SZRD1: variants seen among roughly 807,000 people sequenced by gnomAD.
SZRD1 encodes SUZ RNA-binding domain-containing.
In SZRD1, 7 loss-of-function variants were observed where a neutral mutation model predicts 17.6. The observed-to-expected ratio is 0.40, with a 90% CI of 0.23 to 0.75. The LOEUF is 0.75. SZRD1 is among the 30% of genes least tolerant of loss of function. The pLI is 0.38. For synonymous variants in SZRD1, 77 were observed against 77.9 expected, an observed-to-expected ratio of 0.99 and a Z score of 0.06; for missense variants, 178 against 201.8, an observed-to-expected ratio of 0.88 and a Z score of 0.71.
chr1:16,376,670 G>T (rs773578124), intron 1 of SZRD1, among the ~76,000 whole-genome samples: 3 of 144,088 alleles, frequency 2.1e-5, no homozygotes, highest in Non-Finnish European at 4.4e-5. Context: ...GCCAGGTGTG[G>T]TGGCAGGTGC....
chr1:16,379,953 G>T (rs180877287), intron 1 of SZRD1, among the ~76,000 whole-genome samples: 1 of 152,004 alleles, frequency 6.6e-6, no homozygotes, highest in Non-Finnish European at 1.5e-5. Flanking sequence ...GTAGAGACAG[G>T]GCTTCACCAT....
intron 1 of SZRD1, among the ~76,000 whole-genome samples, chr1:16,371,393 C>T (rs1198364311): frequency 6.6e-6 from 1 of 150,482 alleles, no homozygotes; most frequent in Non-Finnish European, 1.5e-5. Context: ...TCTCCCCTCC[C>T]CTCCCCTCCC....
chr1:16,393,348 C>T lies in SZRD1; in HGVS notation c.222C>T (p.Ser74=), dbSNP rs2085248477. ...KRPTSNGVVS[S]PNSTSRPTLP... ...CCACCAGCAACGGTGTGGTCAGCAG[C>T]CCCAACTCCACCAGCAGGCCCACCC... The change falls in exon 3 of 4, where the codon AGC becomes AGT. Residue 74 remains serine (S), a synonymous_variant. Transcript: ENST00000401088. This position sits in a 1 kb window ranked among gnomAD's most constrained non-coding sequence, Gnocchi z 5.6. 1 of 1,614,208 alleles carries T rather than the reference C, an allele frequency of 6.2e-7. No homozygotes were observed. The highest frequency in any genetic ancestry group is 8.5e-7 in the Non-Finnish European group (1 of 1,180,038).
At chr1:16,373,371 G>A (rs2082944474) in intron 1 of SZRD1, among the ~76,000 whole-genome samples, 1 of 151,946 alleles carries the variant, frequency 6.6e-6, no homozygotes, top group Non-Finnish European at 1.5e-5. Context: ...CCTGAGGTCA[G>A]GAGTTCGAGA....
At chr1:16,394,941 T>A (rs900499825) in intron 3 of SZRD1, 97 bp from the exon 4 acceptor site, 4 of 753,728 alleles carry the variant, frequency 5.3e-6, no homozygotes, top group Non-Finnish European at 8.7e-6. Context: ...GGTGACAGAA[T>A]GAGACTCCGT....
rs754050968 is a variant in SZRD1 at position 16,393,251 on chromosome 1, A to G, written c.125A>G (p.Lys42Arg). The G allele has an allele frequency of 3.3e-5, 54 of 1,613,954 alleles. No individual in the cohort carries two copies. The Admixed American group carries it at 8.8e-4, about 26-fold the overall frequency. ...AGCAGGAAATCCAAATCTCCTCCCA[A>G]AGTGCCCATTGTGATTCAGGACGAT... ...KESRKSKSPP[K>R]VPIVIQDDSL... The change falls in exon 3 of 4, where the codon AAA becomes AGA. Residue 42 changes from lysine (K) to arginine (R), a missense_variant. Lys to Arg is a conservative substitution (Grantham distance 26, BLOSUM62 2). This residue lies in a region of SZRD1 where 117 missense variants were observed against 108.7 expected (regional missense o/e 1.08). Coordinates refer to ENST00000401088, the MANE Select transcript of SZRD1 (RefSeq NM_001114600.3). This position sits in a 1 kb window ranked among gnomAD's most constrained non-coding sequence, Gnocchi z 5.6.
intron 1 of SZRD1, 31 bp downstream of exon 1, chr1:16,367,339 C>T (rs903326191): frequency 6.5e-7 from 1 of 1,542,110 alleles, no homozygotes. Flanking sequence ...CATGGCAGGG[C>T]CGGGCGAGAC....
Position 16,371,423 on chromosome 1 carries a change from T to C in SZRD1, c.51+4115T>C, listed in dbSNP as rs957570002. Among the ~76,000 whole-genome samples, 32 of 124,724 alleles carry C rather than the reference T, an allele frequency of 2.6e-4. No individual in the cohort carries two copies. In the East Asian group the frequency reaches 7.6e-3, roughly 29 times the overall value. The allele number at this position is 124,724 out of a possible 152,430, so 81.8% of individuals were successfully genotyped here. ...CCTCCCTCTGCTCCCATCCCTCTGCTCCCCCCTCTCCCTTCCTTTTTTTTC... is the reference window on the plus strand; with the variant it reads ...CCTCCCTCTGCTCCCATCCCTCTGCCCCCCCCTCTCCCTTCCTTTTTTTTC... On this transcript the variant is annotated intron_variant, in intron 1 of 3. Transcript: ENST00000401088.
At chr1:16,373,720 C>T (rs2082950924) in intron 1 of SZRD1, among the ~76,000 whole-genome samples, 1 of 151,860 alleles carries the variant, frequency 6.6e-6, no homozygotes, top group African/African-American at 2.4e-5. Flanking sequence ...ACTTCAGCCT[C>T]AACCTCCCGA....
intron 1 of SZRD1, among the ~76,000 whole-genome samples, chr1:16,368,809 T>C (rs553918922): frequency 4.6e-5 from 7 of 152,320 alleles, no homozygotes; most frequent in Non-Finnish European, 8.8e-5. Context: ...CTTACAACTT[T>C]AATATCATGC....
At chr1:16,370,233 TTTTTTTG>T (rs1156988045) in intron 1 of SZRD1, among the ~76,000 whole-genome samples, 8 of 151,782 alleles carry the variant, frequency 5.3e-5, no homozygotes, top group African/African-American at 1.9e-4. Flanking sequence ...TCCTTTTTTT[TTTTTTTG>T]TTTGAGAGAA....
rs967680323 is a variant in SZRD1, at chr1:16,369,495, G to GC, written c.51+2193dup. The GC allele has an allele frequency of 4.7e-5, 44 of 943,684 alleles. No individual in the cohort carries two copies. In the African/African-American group the frequency reaches 6.5e-4, roughly 14 times the overall value. 58.5% of individuals were successfully genotyped at this position (943,684 alleles called of 1,614,324 possible). On this transcript the variant is annotated intron_variant, in intron 1 of 3. Transcript: ENST00000401088. Reference sequence around the variant, plus strand: ...ACTTCAGAACCTGCTTCTTTTTTTTGCCCCCCTTCACCACAGGCTTTTTCA... The same window carrying GC: ...ACTTCAGAACCTGCTTCTTTTTTTTGCCCCCCCTTCACCACAGGCTTTTTCA...
At chr1:16,389,599 C>T (rs1342361245) in intron 1 of SZRD1, among the ~76,000 whole-genome samples, 3 of 151,988 alleles carry the variant, frequency 2.0e-5, no homozygotes, top group African/African-American at 7.3e-5. Context: ...GCGTGAGCCA[C>T]CGTGCCTGGC....
Position 16,393,303 on chromosome 1 carries a change from G to T in SZRD1, c.177G>T (p.Gln59His). 6.2e-7 allele frequency: 1 copy of T among 1,614,182 alleles called. No homozygotes were observed. The highest frequency in any genetic ancestry group is 8.5e-7 in the Non-Finnish European group (1 of 1,180,018). The change falls in exon 3 of 4, where the codon CAG becomes CAT. Residue 59 changes from glutamine (Q) to histidine (H), a missense_variant. Coordinates refer to ENST00000401088, the MANE Select transcript of SZRD1 (RefSeq NM_001114600.3). This position sits in a 1 kb window ranked among gnomAD's most constrained non-coding sequence, Gnocchi z 5.6. ...DDSLPAGPPP[Q>H]IRILKRPTSN... ...GCCTTCCCGCGGGGCCCCCTCCACA[G>T]ATCCGCATCCTCAAGAGGCCCACCA... is the stretch of plus-strand genomic sequence containing the variant.
Position 16,367,285 on chromosome 1 carries a change from T to G in SZRD1, c.28T>G (p.Trp10Gly). 1 of 1,548,708 alleles carries G rather than the reference T, an allele frequency of 6.5e-7. No homozygotes were observed. The highest frequency in any genetic ancestry group is 8.7e-7 in the Non-Finnish European group (1 of 1,146,544). The change falls in exon 1 of 4, where the codon TGG becomes GGG. Residue 10 changes from tryptophan (W) to glycine (G), a missense_variant. Physicochemically the swap from Trp to Gly is radical, Grantham distance 184. Coordinates refer to ENST00000401088, the MANE Select transcript of SZRD1 (RefSeq NM_001114600.3). ...GGAAGATGAGGAGGTCGCTGAGAGCTGGGAAGAGGCGGCAGACAGCGGGGT... is the reference window on the plus strand; with the variant it reads ...GGAAGATGAGGAGGTCGCTGAGAGCGGGGAAGAGGCGGCAGACAGCGGGGT... MEDEEVAES[W>G]EEAADSGEID...
rs1369021820 is a variant in SZRD1 at position 16,378,289 on chromosome 1, T to TTC, written c.51+10982_51+10983insCT. Among the ~76,000 whole-genome samples the TTC allele has an allele frequency of 6.7e-5, 10 of 149,970 alleles. No homozygotes were observed. In the East Asian group the frequency reaches 2.0e-3, roughly 29 times the overall value. ...ATTATTTCTGTTTGGCAACTTCTTT[T>TTC]TTTTTTTTTTTTTTGAGATGGAGTC... On this transcript the variant is annotated intron_variant, in intron 1 of 3. Transcript: ENST00000401088.
In SZRD1 at chr1:16,370,079, C is replaced by T. The variant is rs185910861; in HGVS notation, c.51+2771C>T. ...GAGGTTTCGAGAGTAACCTGTTTTG[C>T]GCAAGATCACACAGCTGGGGGAAGC... On this transcript the variant is annotated intron_variant, in intron 1 of 3. Coordinates refer to ENST00000401088, the MANE Select transcript of SZRD1 (RefSeq NM_001114600.3). Among the ~76,000 whole-genome samples, 15 of 152,186 alleles carry T rather than the reference C, an allele frequency of 9.9e-5. No individual in the cohort carries two copies. The East Asian group carries it at 2.3e-3, about 23-fold the overall frequency.
chr1:16,374,296 C>T (rs1294757126), intron 1 of SZRD1, among the ~76,000 whole-genome samples: 1 of 152,136 alleles, frequency 6.6e-6, no homozygotes, highest in Non-Finnish European at 1.5e-5. Flanking sequence ...TTCTGTGAAG[C>T]AGTTGGGCAG....
chr1:16,372,595 TG>T (rs1241465611), intron 1 of SZRD1, among the ~76,000 whole-genome samples: 1 of 152,248 alleles, frequency 6.6e-6, no homozygotes, highest in Non-Finnish European at 1.5e-5. Context: ...CTGATTTCCC[TG>T]TATCTTGCAA....
Sources: gnomAD v4.1 joint callset for allele counts (sites outside exome capture counted in the v4.1 genomes callset) on GRCh38, gnomAD v4.1.1 for gene constraint, gnomAD v4.1.1 regional missense constraint, Gnocchi (gnomAD v3.1) non-coding constraint, MANE v1.5 for transcripts, NCBI Gene and HGNC (gene_info 2026-07-23, HGNC 2026-07-21) for gene names.